The following SLC22A14 variants were observed in gnomAD, a reference collection of about 807,000 sequenced individuals.
SLC22A14 encodes the protein organic cation transporter-like 4.
A neutral mutation model predicts 53.9 loss-of-function variants in SLC22A14; 50 were observed. The observed-to-expected ratio is 0.93, with a 90% CI of 0.74 to 1.17. SLC22A14 has a LOEUF of 1.17. Ranked by LOEUF, SLC22A14 falls within the 50% of genes most tolerant of loss-of-function variation. The probability of loss-of-function intolerance (pLI) is 0.00; values close to 1 mark genes in which losing one functional copy is unlikely to be tolerated. For synonymous variants in SLC22A14, 312 were observed against 303.0 expected (o/e 1.03, Z -0.31); for missense variants, 671 against 734.7 (o/e 0.91, Z 1.00).
chr3:38,312,711 A>C (rs923933834), intron 5 of SLC22A14, among the ~76,000 whole-genome samples: 3 of 152,152 alleles, frequency 2.0e-5, no homozygotes, highest in African/African-American at 7.2e-5. Flanking sequence ...AAAAGGAGAG[A>C]GCTCTCAGTG....
chr3:38,308,766 G>T (rs1704385404), intron 4 of SLC22A14, among the ~76,000 whole-genome samples, 188 bp from the exon 5 acceptor site: 1 of 152,208 alleles, frequency 6.6e-6, no homozygotes, highest in African/African-American at 2.4e-5. Context: ...GGTGTCCCCT[G>T]GCGGGAACAG....
intron 5 of SLC22A14, 31 bp downstream of exon 5, chr3:38,309,153 G>A: frequency 6.3e-7 from 1 of 1,592,754 alleles, no homozygotes; most frequent in East Asian, 2.2e-5. Context: ...CATGTACAGG[G>A]CTGGGTCTGA....
At chr3:38,287,996 T>C (rs1164285191) in intron 1 of SLC22A14, among the ~76,000 whole-genome samples, 1 of 152,238 alleles carries the variant, frequency 6.6e-6, no homozygotes, top group Non-Finnish European at 1.5e-5. Flanking sequence ...TTCAGTGGCA[T>C]TAAGTAATTC....
chr3:38,292,888 A>T (rs1352812853), intron 1 of SLC22A14, among the ~76,000 whole-genome samples: 1 of 152,200 alleles, frequency 6.6e-6, no homozygotes, highest in Non-Finnish European at 1.5e-5. Flanking sequence ...CCCAGTCACA[A>T]CTTAGTGGCT....
rs74776032 is a variant in SLC22A14 at position 38,303,095 on chromosome 3, G to T, written c.1-2932G>T. 5.8e-3 allele frequency among the ~76,000 whole-genome samples: 876 copies of T among 152,032 alleles called. 3 individuals are homozygous for T. Among genetic ancestry groups the T allele is most frequent in the Non-Finnish European group, 1.0e-2 (676 of 67,930 alleles). On this transcript the variant is annotated intron_variant, in intron 1 of 10. Transcript: ENST00000448498. ...TATATTCCTTTTTGCATATATAAAA[G>T]ACTTATTTGTATCTTCTTTTTTATT...
chr3:38,290,922 C>A lies in SLC22A14; in HGVS notation c.-1+8583C>A, dbSNP rs143107181. 4.1e-3 allele frequency among the ~76,000 whole-genome samples: 622 copies of A among 152,234 alleles called. 8 individuals are homozygous for A. Among genetic ancestry groups the A allele is most frequent in the African/African-American group, 0.014 (601 of 41,522 alleles). ...TGATGACCCTGGCAGTGTAAGACTG[C>A]CACCTCTTTAGGTTTCTGTACAGCC... is the stretch of plus-strand genomic sequence containing the variant. On this transcript the variant is annotated intron_variant, in intron 1 of 10. Transcript: ENST00000448498.
Position 38,283,645 on chromosome 3 carries a change from CA to C in SLC22A14, c.-1+1307del, listed in dbSNP as rs768545052. ...AGGAGTTCGAGACCAGCCTGGCCAA[CA>C]TGGTGAAACCCCATCTCTACTAAAA... On this transcript the variant is annotated intron_variant, in intron 1 of 10. Coordinates refer to ENST00000448498, the MANE Select transcript of SLC22A14 (RefSeq NM_001320033.2). Among the ~76,000 whole-genome samples, 23 of 152,258 alleles carry C rather than the reference CA, an allele frequency of 1.5e-4. No homozygotes were observed. In the East Asian group the frequency reaches 3.7e-3, roughly 24 times the overall value.
At chr3:38,310,853 G>A (rs548037122) in intron 5 of SLC22A14, among the ~76,000 whole-genome samples, 5 of 152,142 alleles carry the variant, frequency 3.3e-5, no homozygotes, top group African/African-American at 1.2e-4. Flanking sequence ...CCCTGTTGTG[G>A]TGGGCTGCTC....
upstream of SLC22A14, among the ~76,000 whole-genome samples, chr3:38,281,954 G>A (rs868503785): frequency 2.5e-4 from 38 of 152,318 alleles, no homozygotes; most frequent in Middle Eastern, 0.01. Context: ...TGGTTGGCAG[G>A]GGAGTGTCAC....
At chr3:38,311,275 G>T (rs535037593) in intron 5 of SLC22A14, among the ~76,000 whole-genome samples, 1 of 152,264 alleles carries the variant, frequency 6.6e-6, no homozygotes, top group Non-Finnish European at 1.5e-5. Context: ...TGTCCCCTAG[G>T]CTTTGGCAGT....
At chr3:38,290,317 C>T (rs554036896) in intron 1 of SLC22A14, among the ~76,000 whole-genome samples, 3 of 152,314 alleles carry the variant, frequency 2.0e-5, no homozygotes, top group South Asian at 2.1e-4. Context: ...TCGATGTCAT[C>T]AACATTGGAG....
intron 1 of SLC22A14, among the ~76,000 whole-genome samples, chr3:38,292,756 G>C (rs972669321): frequency 6.6e-6 from 1 of 152,210 alleles, no homozygotes; most frequent in Admixed American, 6.5e-5. Flanking sequence ...GACAACAAAT[G>C]GGTGTTCCTT....
chr3:38,315,576 T>A lies in SLC22A14; in HGVS notation c.1397T>A (p.Leu466His), dbSNP rs34256819. The A allele has an allele frequency of 6.2e-7, 1 of 1,613,840 alleles. No individual in the cohort carries two copies. The highest frequency in any genetic ancestry group is 8.5e-7 in the Non-Finnish European group (1 of 1,179,974). Residue 466 changes from leucine to histidine, a missense_variant, in exon 9 of 11, where the codon CTC (leucine) becomes CAC (histidine). Physicochemically the swap from Leu to His is moderately conservative, Grantham distance 99. Coordinates refer to ENST00000448498, the MANE Select transcript of SLC22A14 (RefSeq NM_001320033.2). ...FLPEGEDGLRLKWPRCPATEL... is the reference protein window; with the variant it reads ...FLPEGEDGLRHKWPRCPATEL... ...ACCCCAGGGGAGGATGGCCTCAGAC[T>A]CAAGTGGCCACGTTGTCCGGCCACA...
chr3:38,282,614 C>T (rs906770147), intron 1 of SLC22A14, among the ~76,000 whole-genome samples: 1 of 152,136 alleles, frequency 6.6e-6, no homozygotes, highest in African/African-American at 2.4e-5. Flanking sequence ...GCCTCAGTTA[C>T]CTCTTTGGCA....
intron 1 of SLC22A14, among the ~76,000 whole-genome samples, chr3:38,299,824 A>C (rs1457316763): frequency 6.6e-6 from 1 of 152,176 alleles, no homozygotes; most frequent in Admixed American, 6.5e-5. Context: ...AGCTTCCCAA[A>C]GTGCTGGGAT....
upstream of SLC22A14, among the ~76,000 whole-genome samples, chr3:38,281,519 C>G (rs1410536723): frequency 6.6e-6 from 1 of 152,168 alleles, no homozygotes; most frequent in East Asian, 1.9e-4. Context: ...GGGAACCGAG[C>G]AAGCTAGCTT....
At chr3:38,315,475 C>A in intron 8 of SLC22A14, 83 bp from the exon 9 acceptor site, 2 of 1,412,946 alleles carry the variant, frequency 1.4e-6, no homozygotes, top group Non-Finnish European at 9.6e-7. Context: ...GCCAGCTGGG[C>A]AGGTGGTGGG....
At chr3:38,288,888 A>G (rs1703847233) in intron 1 of SLC22A14, among the ~76,000 whole-genome samples, 1 of 152,138 alleles carries the variant, frequency 6.6e-6, no homozygotes, top group Non-Finnish European at 1.5e-5. Flanking sequence ...GGTTTTAACA[A>G]AAGTTGTGAG....
At chr3:38,303,173 A>G (rs1381545896) in intron 1 of SLC22A14, among the ~76,000 whole-genome samples, 1 of 152,052 alleles carries the variant, frequency 6.6e-6, no homozygotes, top group Non-Finnish European at 1.5e-5. Context: ...AATCTATTCA[A>G]GGAACTAATT....
Sources: allele counts gnomAD v4.1 joint callset (sites outside exome capture counted in the v4.1 genomes callset), GRCh38; gene constraint gnomAD v4.1.1; transcripts MANE v1.5; gene names NCBI Gene and HGNC (gene_info 2026-07-23, HGNC 2026-07-21).